The following PRKCE variants were observed in gnomAD, a reference collection of about 807,000 sequenced individuals.
PRKCE encodes the protein protein kinase C epsilon type.
PRKCE carries 16 observed loss-of-function variants against 85.4 expected under a neutral mutation model. That is an observed-to-expected ratio of 0.19 (90% confidence interval 0.13 to 0.28). The LOEUF is 0.28. Ranked by LOEUF, PRKCE falls within the 10% of genes least tolerant of loss-of-function variation. The pLI, the probability that PRKCE is intolerant of heterozygous loss-of-function variation, is 1.00. For synonymous variants in PRKCE, 388 were observed against 371.5 expected, an observed-to-expected ratio of 1.04 and a Z score of -0.51; for missense variants, 573 against 975.2, an observed-to-expected ratio of 0.59 and a Z score of 5.49.
At chr2:45,769,522 G>C (rs1312579279) in intron 1 of PRKCE, among the ~76,000 whole-genome samples, 1 of 152,110 alleles carries the variant, frequency 6.6e-6, no homozygotes, top group African/African-American at 2.4e-5. Flanking sequence ...CATCCAGCAG[G>C]GATCTTGGGC....
intron 6 of PRKCE, among the ~76,000 whole-genome samples, chr2:45,996,924 T>C (rs543682126): frequency 1.3e-5 from 2 of 152,298 alleles, no homozygotes; most frequent in Admixed American, 1.3e-4. Flanking sequence ...CTTAAGTGTT[T>C]GGCAGAATTC....
chr2:45,983,028 C>G (rs561381219), intron 5 of PRKCE, among the ~76,000 whole-genome samples: 1 of 152,342 alleles, frequency 6.6e-6, no homozygotes, highest in Non-Finnish European at 1.5e-5. Context: ...GCAGAGTCAA[C>G]ATGTCTACAT....
chr2:46,166,530 G>C (rs1678354284), intron 14 of PRKCE, among the ~76,000 whole-genome samples: 1 of 152,218 alleles, frequency 6.6e-6, no homozygotes, highest in African/African-American at 2.4e-5. Flanking sequence ...TGGTACAGTG[G>C]ACAGGATACT....
chr2:45,808,195 A>T (rs1030649613), intron 1 of PRKCE, among the ~76,000 whole-genome samples: 3 of 152,088 alleles, frequency 2.0e-5, no homozygotes, highest in African/African-American at 7.2e-5. Context: ...CTGGTTGGCA[A>T]GCACCAACCA....
chr2:45,935,065 TCTCA>T (rs1558854750), intron 2 of PRKCE, among the ~76,000 whole-genome samples: 1 of 107,124 alleles, frequency 9.3e-6, no homozygotes, highest in Admixed American at 8.8e-5. Flanking sequence ...TCACTCTCTC[TCTCA>T]CACACACACA....
intron 13 of PRKCE, among the ~76,000 whole-genome samples, chr2:46,153,938 C>G (rs1483161743): frequency 6.6e-6 from 1 of 151,998 alleles, no homozygotes; most frequent in Non-Finnish European, 1.5e-5. Flanking sequence ...AGGCGCCCAC[C>G]ACCATGCCTG....
intron 1 of PRKCE, among the ~76,000 whole-genome samples, chr2:45,783,536 T>G (rs1686361607): frequency 1.3e-5 from 2 of 152,208 alleles, no homozygotes; most frequent in Non-Finnish European, 1.5e-5. Flanking sequence ...GGAATCTACT[T>G]CTATCTGCAG....
In PRKCE at chr2:45,822,277, C is replaced by A. The variant is rs187902680; in HGVS notation, c.349-20723C>A. ...TGTATTTTGTAGTTTAGGGAAGGCC[C>A]CATGGCATTTTAACAGCAGCCGATT... On this transcript the variant is annotated intron_variant, in intron 1 of 14. Coordinates refer to ENST00000306156, the MANE Select transcript of PRKCE (RefSeq NM_005400.3). Among the ~76,000 whole-genome samples the A allele has an allele frequency of 2.0e-5, 3 of 152,314 alleles. No homozygotes were observed. The East Asian group carries it at 5.8e-4, about 29-fold the overall frequency.
intron 1 of PRKCE, among the ~76,000 whole-genome samples, chr2:45,709,954 C>A (rs1271668311): frequency 6.6e-6 from 1 of 152,168 alleles, no homozygotes; most frequent in Non-Finnish European, 1.5e-5. Context: ...GGATTACAGG[C>A]ACATGCCACC....
intron 10 of PRKCE, among the ~76,000 whole-genome samples, chr2:46,043,610 G>T (rs1200399493): frequency 6.6e-6 from 1 of 152,190 alleles, no homozygotes; most frequent in Non-Finnish European, 1.5e-5. Flanking sequence ...TTGGTTGTGT[G>T]TTTGGGCAGT....
At chr2:46,101,005 G>A (rs1422553366) in intron 11 of PRKCE, among the ~76,000 whole-genome samples, 1 of 152,092 alleles carries the variant, frequency 6.6e-6, no homozygotes, top group African/African-American at 2.4e-5. Flanking sequence ...GAATAGCTGG[G>A]ATTACAAGCA....
intron 10 of PRKCE, among the ~76,000 whole-genome samples, chr2:46,070,415 G>A (rs1262796688): frequency 6.6e-6 from 1 of 152,342 alleles, no homozygotes; most frequent in Admixed American, 6.5e-5. Context: ...AGGCCAAGGA[G>A]GGTGGATCAC....
intron 11 of PRKCE, among the ~76,000 whole-genome samples, chr2:46,104,323 T>C (rs897883978): frequency 3.0e-5 from 4 of 132,272 alleles, no homozygotes; most frequent in Non-Finnish European, 6.5e-5. Context: ...TTGCCATATC[T>C]GCAATCTCTT....
At chr2:45,766,385 A>G (rs1385579630) in intron 1 of PRKCE, among the ~76,000 whole-genome samples, 1 of 152,220 alleles carries the variant, frequency 6.6e-6, no homozygotes, top group East Asian at 1.9e-4. Flanking sequence ...TTCTCAATCC[A>G]GTAAGAGAAA....
At chr2:45,796,380 T>C (rs781746765) in intron 1 of PRKCE, among the ~76,000 whole-genome samples, 2 of 152,234 alleles carry the variant, frequency 1.3e-5, no homozygotes, top group Non-Finnish European at 2.9e-5. Context: ...AATTTCTACT[T>C]CTTAGGGATG....
chr2:45,806,818 C>A (rs777470499), intron 1 of PRKCE, among the ~76,000 whole-genome samples: 1 of 152,132 alleles, frequency 6.6e-6, no homozygotes, highest in Non-Finnish European at 1.5e-5. Context: ...CCATGTACGT[C>A]AGGGACTAAG....
chr2:45,653,037 A>G (rs1675201494), intron 1 of PRKCE, among the ~76,000 whole-genome samples: 1 of 152,204 alleles, frequency 6.6e-6, no homozygotes, highest in Admixed American at 6.5e-5. Context: ...CAGAAACATC[A>G]GTCGAGCTTG....
chr2:45,977,726 C>G (rs1190806148), intron 3 of PRKCE, among the ~76,000 whole-genome samples: 2 of 151,946 alleles, frequency 1.3e-5, no homozygotes, highest in Non-Finnish European at 2.9e-5. Context: ...TACCCAGGCT[C>G]AGAAATGAAA....
At chr2:46,158,050 C>G (rs1677391429) in intron 13 of PRKCE, among the ~76,000 whole-genome samples, 1 of 152,248 alleles carries the variant, frequency 6.6e-6, no homozygotes, top group African/African-American at 2.4e-5. Flanking sequence ...GCCCCTCACT[C>G]CATCATCACA....
Sources: gnomAD v4.1 joint callset for allele counts (sites outside exome capture counted in the v4.1 genomes callset) on GRCh38, gnomAD v4.1.1 for gene constraint, MANE v1.5 for transcripts, NCBI Gene and HGNC (gene_info 2026-07-23, HGNC 2026-07-21) for gene names.